SCN1A: variants seen among roughly 807,000 people sequenced by gnomAD.
The protein encoded by SCN1A is sodium voltage-gated channel alpha subunit 1, also known as sodium channel protein type 1 subunit alpha.
In SCN1A, 13 loss-of-function variants were observed where a neutral mutation model predicts 193.7. The observed-to-expected ratio is 0.07, with a 90% CI of 0.04 to 0.11. The LOEUF is 0.11. SCN1A is among the 10% of genes least tolerant of loss of function. SCN1A has a pLI of 1.00. For missense variants in SCN1A, 1,432 were observed against 2,451.1 expected (o/e 0.58, Z 8.78); for synonymous variants, 781 against 843.6 (o/e 0.93, Z 1.29).
chr2:166,133,200 T>C (rs1691727031), intron 1 of SCN1A, among the ~76,000 whole-genome samples: 1 of 152,116 alleles, frequency 6.6e-6, no homozygotes, highest in South Asian at 2.1e-4. Flanking sequence ...ATGGAGATAA[T>C]CAGATTCCCC....
intron 2 of SCN1A, among the ~76,000 whole-genome samples, chr2:166,110,618 G>A (rs1294127815): frequency 6.6e-6 from 1 of 152,176 alleles, no homozygotes; most frequent in Admixed American, 6.5e-5. Flanking sequence ...TGAGGTTTAA[G>A]GAAAGAAGCT....
intron 2 of SCN1A, among the ~76,000 whole-genome samples, chr2:166,125,119 C>T (rs995788438): frequency 2.0e-5 from 3 of 152,168 alleles, no homozygotes; most frequent in Non-Finnish European, 4.4e-5. Flanking sequence ...TAAACTAATG[C>T]AATCTCAATT....
At chr2:166,058,909 C>A (rs1263370884) in intron 4 of SCN1A, among the ~76,000 whole-genome samples, 1 of 151,946 alleles carries the variant, frequency 6.6e-6, no homozygotes, top group African/African-American at 2.4e-5. Flanking sequence ...TAATACTTAC[C>A]CTCAATTTTA....
At chr2:166,119,603 T>C (rs1690305926) in intron 2 of SCN1A, among the ~76,000 whole-genome samples, 1 of 152,182 alleles carries the variant, frequency 6.6e-6, no homozygotes, top group South Asian at 2.1e-4. Flanking sequence ...AAGAGAAAAC[T>C]TAGGTTACCA....
rs1231898841 is a variant in SCN1A at position 165,991,224 on chromosome 2, A to G, written c.*21T>C. ...CAGGCTGTAAACAATTTGTCACCCA[A>G]TTATTTTTATTTATTTTCATTTATT... On this transcript the variant is annotated 3_prime_UTR_variant, in exon 29 of 29. Transcript: ENST00000674923. The G allele has an allele frequency of 6.3e-7, 1 of 1,582,928 alleles. No individual in the cohort carries two copies. The highest frequency in any genetic ancestry group is 2.3e-5 in the East Asian group (1 of 43,234).
At chr2:166,135,347 A>G (rs1342712391) in intron 1 of SCN1A, among the ~76,000 whole-genome samples, 1 of 152,076 alleles carries the variant, frequency 6.6e-6, no homozygotes, top group Non-Finnish European at 1.5e-5. Context: ...AATAAAACTG[A>G]ACTTTGCCAT....
chr2:166,052,908 G>A lies in SCN1A; in HGVS notation c.638C>T (p.Ser213Leu), dbSNP rs754661378. 6.2e-6 allele frequency: 10 copies of A among 1,612,360 alleles called. No homozygotes were observed. In the Admixed American group the frequency reaches 1.2e-4, roughly 19 times the overall value. The change falls in exon 8 of 29, where the codon TCG (serine) becomes TTG (leucine). Residue 213 changes from serine to leucine, a missense_variant. Ser to Leu is a moderately radical substitution (Grantham distance 145). Transcript: ENST00000674923. ...VTEFVDLGNV[S>L]ALRTFRVLRA... is the part of the protein sequence containing the mutation. The stretch of plus-strand genomic sequence containing the variant: ...GAGAACTCTGAATGTTCTCAATGCC[G>A]AGACATTGCCCAGGTCCACAAACTC...
chr2:166,070,380 T>G (rs1014070858), intron 4 of SCN1A, among the ~76,000 whole-genome samples: 3 of 152,254 alleles, frequency 2.0e-5, no homozygotes, highest in African/African-American at 7.2e-5. Flanking sequence ...AACTCTTTCC[T>G]GATAACAATA....
chr2:166,011,983 A>C (rs1024318092), intron 22 of SCN1A, 126 bp downstream of exon 22: 1 of 797,320 alleles, frequency 1.3e-6, no homozygotes, highest in Admixed American at 2.0e-5. Flanking sequence ...CTCATTGCAT[A>C]TATGCGTTTA....
chr2:166,094,586 C>T (rs1452984186), intron 2 of SCN1A, among the ~76,000 whole-genome samples: 2 of 152,072 alleles, frequency 1.3e-5, no homozygotes, highest in African/African-American at 4.8e-5. Context: ...GGGCCAAATG[C>T]AGAAAATAAG....
At chr2:166,060,309 A>G (rs1461202) in intron 4 of SCN1A, 100,996 of 151,794 alleles carry the variant, frequency 0.67, 34,051 homozygotes, top group East Asian at 0.89. Context: ...ACAATCCCCT[A>G]TGCCAACAAT....
intron 2 of SCN1A, among the ~76,000 whole-genome samples, chr2:166,121,930 T>A (rs1490640810): frequency 1.3e-5 from 2 of 152,224 alleles, no homozygotes; most frequent in Admixed American, 1.3e-4. Flanking sequence ...ATGACTTGTG[T>A]CCTTAAAAGA....
At chr2:166,007,548 G>A (rs550110750) in intron 23 of SCN1A, among the ~76,000 whole-genome samples, 1 of 151,244 alleles carries the variant, frequency 6.6e-6, no homozygotes, top group South Asian at 2.1e-4. Flanking sequence ...TGAAAAATTT[G>A]GACTGGAAAT....
In SCN1A at chr2:166,106,044, G is replaced by T. The variant is rs906683748; in HGVS notation, c.-142+20880C>A. Among the ~76,000 whole-genome samples, 3 of 152,090 alleles carry T rather than the reference G, an allele frequency of 2.0e-5. No homozygotes were observed. The East Asian group carries it at 5.8e-4, about 29-fold the overall frequency. ...CTACTAAAAATACAAAAAATGAGCCGGGCTGGGTGGCAAGTGCCTGTAGTC... is the reference window on the plus strand; with the variant it reads ...CTACTAAAAATACAAAAAATGAGCCTGGCTGGGTGGCAAGTGCCTGTAGTC... On this transcript the variant is annotated intron_variant, in intron 2 of 28. Transcript: ENST00000674923.
intron 26 of SCN1A, among the ~76,000 whole-genome samples, chr2:165,996,827 C>T (rs1295520230): frequency 6.6e-6 from 1 of 151,340 alleles, no homozygotes; most frequent in Non-Finnish European, 1.5e-5. Context: ...AGCAAACCTA[C>T]TGAACAAGTG....
chr2:166,073,059 C>T (rs1553560542), intron 4 of SCN1A, among the ~76,000 whole-genome samples: 3 of 152,036 alleles, frequency 2.0e-5, no homozygotes, highest in Non-Finnish European at 1.5e-5. Context: ...AGGATGGTCT[C>T]AATCTCTTAA....
intron 16 of SCN1A, among the ~76,000 whole-genome samples, chr2:166,040,475 A>T (rs1192522703): frequency 1.3e-5 from 2 of 152,184 alleles, no homozygotes; most frequent in African/African-American, 4.8e-5. Flanking sequence ...CAAAAATATA[A>T]CTAATAAAAT....
chr2:166,110,044 G>A (rs1174952100), intron 2 of SCN1A, among the ~76,000 whole-genome samples: 1 of 152,102 alleles, frequency 6.6e-6, no homozygotes, highest in Non-Finnish European at 1.5e-5. Flanking sequence ...GTAACACAAA[G>A]TAATGATAAA....
At chr2:166,008,048 A>G (rs1691889796) in intron 23 of SCN1A, among the ~76,000 whole-genome samples, 1 of 151,342 alleles carries the variant, frequency 6.6e-6, no homozygotes. Flanking sequence ...GAATAGAGCC[A>G]TATTCATAAA....
Sources: allele counts gnomAD v4.1 joint callset (sites outside exome capture counted in the v4.1 genomes callset), GRCh38; gene constraint gnomAD v4.1.1; transcripts MANE v1.5; gene names NCBI Gene and HGNC (gene_info 2026-07-23, HGNC 2026-07-21).